PCDHA3: variants seen among roughly 807,000 people sequenced by gnomAD.
The protein encoded by PCDHA3 is protocadherin alpha 3, also known as protocadherin alpha-3.
PCDHA3 carries 41 observed loss-of-function variants against 62.2 expected under a neutral mutation model. The observed-to-expected ratio is 0.66, with a 90% CI of 0.51 to 0.86. The LOEUF (loss-of-function observed/expected upper bound fraction) is 0.86, where lower values mean the gene tolerates loss of function less well. Ranked by LOEUF, PCDHA3 falls within the 40% of genes least tolerant of loss-of-function variation. PCDHA3 has a pLI of 0.00. For synonymous variants in PCDHA3, 640 were observed against 555.4 expected (o/e 1.15, Z -2.14); for missense variants, 1,304 against 1,241.2 (o/e 1.05, Z -0.76).
intron 1 of PCDHA3, among the ~76,000 whole-genome samples, chr5:140,942,439 A>C (rs1554214983): frequency 6.6e-6 from 1 of 152,200 alleles, no homozygotes; most frequent in Non-Finnish European, 1.5e-5. Context: ...AACAATAAAC[A>C]AGTAAACTAT....
intron 1 of PCDHA3, chr5:140,804,911 A>C (rs550382378): frequency 1.1e-6 from 1 of 888,774 alleles, no homozygotes; most frequent in Non-Finnish European, 1.6e-6. Context: ...CATTTTCTTT[A>C]TTTCCTTTTT....
intron 1 of PCDHA3, among the ~76,000 whole-genome samples, chr5:140,887,318 G>A (rs1485206878): frequency 6.6e-6 from 1 of 152,010 alleles, no homozygotes; most frequent in Non-Finnish European, 1.5e-5. Context: ...GGATAGTCTC[G>A]AACTCCTGAC....
chr5:141,006,794 A>G (rs1416356472), intron 3 of PCDHA3, among the ~76,000 whole-genome samples: 1 of 152,160 alleles, frequency 6.6e-6, no homozygotes, highest in African/African-American at 2.4e-5. Context: ...ATTAGCTTTG[A>G]ACTTTCTGGC....
At chr5:140,838,851 G>A (rs1275085955) in intron 1 of PCDHA3, among the ~76,000 whole-genome samples, 1 of 151,804 alleles carries the variant, frequency 6.6e-6, no homozygotes, top group African/African-American at 2.4e-5. Context: ...AAGCCAGGGA[G>A]GTCCAAGCTG....
chr5:140,934,000 A>G (rs2089557025), intron 1 of PCDHA3, among the ~76,000 whole-genome samples: 1 of 151,350 alleles, frequency 6.6e-6, no homozygotes, highest in Non-Finnish European at 1.5e-5. Context: ...GTCACCTCTC[A>G]TTTTTCTTGA....
intron 1 of PCDHA3, among the ~76,000 whole-genome samples, chr5:140,872,366 C>T (rs1474545806): frequency 5.3e-5 from 8 of 152,126 alleles, no homozygotes; most frequent in African/African-American, 1.4e-4. Flanking sequence ...GTGGTTCAGG[C>T]CTGTAATCCC....
rs782605707 is a variant in PCDHA3 at position 140,857,540 on chromosome 5, T to G, written c.2394+53949T>G. The G allele has an allele frequency of 1.6e-4, 262 of 1,596,716 alleles. 26 individuals carry two copies. Among genetic ancestry groups the G allele is most frequent in the Non-Finnish European group, 2.1e-4 (250 of 1,167,578 alleles). ...GTCCTACTCTCTGGTGGAGCGGCGG[T>G]TGGGCGAGCGCTCGCTGTCGAGCTA... On this transcript the variant is annotated intron_variant, in intron 1 of 3. Transcript: ENST00000522353.
chr5:140,836,927 T>A, intron 1 of PCDHA3: 1 of 510,864 alleles, frequency 2.0e-6, no homozygotes, highest in Non-Finnish European at 3.3e-6. Context: ...TTGGGATGCG[T>A]AATACTATAG....
At position 140,864,130 on chromosome 5, in the gene PCDHA3, G is replaced by A. The variant is rs1269875416; in HGVS notation, c.2394+60539G>A. ...TAGTAATAATGAATTAGACTGAGTG[G>A]CTGTTTCCTGTAAATGAGAAAGTTA... On this transcript the variant is annotated intron_variant, in intron 1 of 3. Coordinates refer to ENST00000522353, the MANE Select transcript of PCDHA3 (RefSeq NM_018906.3). 3 of 152,238 alleles carry A rather than the reference G, an allele frequency of 2.0e-5. No individual in the cohort carries two copies. The East Asian group carries it at 5.8e-4, about 29-fold the overall frequency. 9.4% of individuals were successfully genotyped at this position (152,238 alleles called of 1,614,324 possible).
intron 1 of PCDHA3, chr5:140,875,379 G>A: frequency 1.4e-6 from 2 of 1,459,474 alleles, no homozygotes; most frequent in Non-Finnish European, 1.8e-6. Flanking sequence ...TACTAAATAT[G>A]TACTTACAGA....
chr5:140,917,417 C>G (rs1163543772), intron 1 of PCDHA3, among the ~76,000 whole-genome samples: 2 of 152,082 alleles, frequency 1.3e-5, no homozygotes, highest in African/African-American at 2.4e-5. Flanking sequence ...TAATTAGGCC[C>G]CATTTGCCAA....
At chr5:140,989,329 C>A (rs1554250749) in intron 3 of PCDHA3, among the ~76,000 whole-genome samples, 2 of 152,120 alleles carry the variant, frequency 1.3e-5, no homozygotes, top group African/African-American at 4.8e-5. Context: ...AACTTTGCCA[C>A]CTGACTCAGC....
intron 1 of PCDHA3, among the ~76,000 whole-genome samples, chr5:140,899,769 T>C (rs376898324): frequency 4.6e-4 from 70 of 152,316 alleles, no homozygotes; most frequent in African/African-American, 1.7e-3. Flanking sequence ...CAGTTCCTCC[T>C]TTTACCTCTG....
Position 140,822,061 on chromosome 5 carries a change from C to G in PCDHA3, c.2394+18470C>G, listed in dbSNP as rs2150113317. The G allele has an allele frequency of 1.9e-6, 3 of 1,614,168 alleles. No individual in the cohort carries two copies. The highest frequency in any genetic ancestry group is 2.2e-5 in the East Asian group (1 of 44,886). On this transcript the variant is annotated intron_variant, in intron 1 of 3. Coordinates refer to ENST00000522353, the MANE Select transcript of PCDHA3 (RefSeq NM_018906.3). Reference sequence around the variant, plus strand: ...TCGGATCGACCGGGAGGAGCTGTGCCGGCGGAGGGCGGAGTGCAGCATCCA... The same window carrying G: ...TCGGATCGACCGGGAGGAGCTGTGCGGGCGGAGGGCGGAGTGCAGCATCCA...
Position 140,823,914 on chromosome 5 carries a change from G to T in PCDHA3, c.2394+20323G>T, listed in dbSNP as rs151078612. 1.2e-5 allele frequency: 20 copies of T among 1,613,874 alleles called. No individual in the cohort carries two copies. In the African/African-American group the frequency reaches 2.0e-4, roughly 16 times the overall value. Reference sequence around the variant, plus strand: ...CGGTGTCCAGCCTGCTGGTGCTCACGCTGCTGCTGTACACCGCGCTGCGGT... The same window carrying T: ...CGGTGTCCAGCCTGCTGGTGCTCACTCTGCTGCTGTACACCGCGCTGCGGT... On this transcript the variant is annotated intron_variant, in intron 1 of 3. Coordinates refer to ENST00000522353, the MANE Select transcript of PCDHA3 (RefSeq NM_018906.3).
Position 140,875,940 on chromosome 5 carries a change from C to T in PCDHA3, c.2394+72349C>T, listed in dbSNP as rs782320801. ...TGGACTCTCATTTTCCTCTAGAGGG[C>T]GCTTCTGATGCGGATATCGGCGTAA... On this transcript the variant is annotated intron_variant, in intron 1 of 3. Transcript: ENST00000522353. 5.0e-6 allele frequency: 8 copies of T among 1,613,964 alleles called. No individual in the cohort carries two copies. In the South Asian group the frequency reaches 6.6e-5, roughly 13 times the overall value.
chr5:140,869,465 T>G (rs1291817814), intron 1 of PCDHA3: 7 of 1,614,026 alleles, frequency 4.3e-6, no homozygotes, highest in Non-Finnish European at 5.9e-6. Context: ...CATGTGAACG[T>G]GGAGGTGAAG....
chr5:140,849,503 T>A lies in PCDHA3; in HGVS notation c.2394+45912T>A, dbSNP rs2150439338. The A allele has an allele frequency of 1.9e-6, 3 of 1,596,058 alleles. No homozygotes were observed. In the East Asian group the frequency reaches 6.7e-5, roughly 36 times the overall value. On this transcript the variant is annotated intron_variant, in intron 1 of 3. Transcript: ENST00000522353. ...CACCCCTGGCTGGTCATTGTACACT[T>A]CTTGTGGAAGTTGTGGATGTAAATG...
intron 1 of PCDHA3, among the ~76,000 whole-genome samples, chr5:140,895,667 G>A (rs2153450568): frequency 1.3e-5 from 2 of 152,262 alleles, no homozygotes; most frequent in South Asian, 4.1e-4. Context: ...GTGAGAACAT[G>A]TAGTATTTGG....
Sources: allele counts gnomAD v4.1 joint callset (sites outside exome capture counted in the v4.1 genomes callset), GRCh38; gene constraint gnomAD v4.1.1; transcripts MANE v1.5; gene names NCBI Gene and HGNC (gene_info 2026-07-23, HGNC 2026-07-21).